Variants in STON1 observed in about 807,000 individuals in gnomAD.
STON1 encodes the protein stonin 1, also known as stonin-1.
Under a neutral mutation model 60.9 loss-of-function variants are expected in STON1, and 79 were observed. The ratio of observed to expected loss-of-function variants is 1.30; its 90% CI spans 1.08 to 1.56. The LOEUF (loss-of-function observed/expected upper bound fraction) is 1.56, where lower values mean the gene tolerates loss of function less well. Ranked by LOEUF, STON1 falls within the 40% of genes most tolerant of loss-of-function variation. STON1 has a pLI of 0.00. For synonymous variants in STON1, 363 were observed against 306.9 expected, an observed-to-expected ratio of 1.18 and a Z score of -1.91; for missense variants, 1,166 against 858.9, an observed-to-expected ratio of 1.36 and a Z score of -4.47.
intron 1 of STON1, among the ~76,000 whole-genome samples, chr2:48,534,461 C>T (rs1671345814): frequency 6.6e-6 from 1 of 152,194 alleles, no homozygotes; most frequent in South Asian, 2.1e-4. Flanking sequence ...TCTCCCTGCA[C>T]ATGTATTATT....
At chr2:48,553,591 G>T (rs541264601) in intron 1 of STON1, among the ~76,000 whole-genome samples, 1 of 151,848 alleles carries the variant, frequency 6.6e-6, no homozygotes, top group Non-Finnish European at 1.5e-5. Context: ...GGGTTCAAGC[G>T]ATTCTCCTGC....
In STON1 at chr2:48,575,755, G is replaced by GTTTTTTTTTTTTTTTTTTTTTTTTTT. The variant is rs199808169; in HGVS notation, c.-47-4829_-47-4828insTTTTTTTTTTTTTTTTTTTTTTTTTT. On this transcript the variant is annotated intron_variant, in intron 1 of 3. Transcript: ENST00000404752. ...TATGGTAGTTCTATTTTTAGTTTTT[G>GTTTTTTTTTTTTTTTTTTTTTTTTTT]TTTGTTTTTTTTTTTTTTTTGAGAT... is the stretch of plus-strand genomic sequence containing the variant. 4.6e-5 allele frequency among the ~76,000 whole-genome samples: 5 copies of GTTTTTTTTTTTTTTTTTTTTTTTTTT among 109,736 alleles called. 1 individual carries two copies. Among genetic ancestry groups the GTTTTTTTTTTTTTTTTTTTTTTTTTT allele is most frequent in the Admixed American group, 9.6e-5 (1 of 10,432 alleles). The allele number at this position is 109,736 out of a possible 152,430, so 72.0% of individuals were successfully genotyped here.
intron 2 of STON1, among the ~76,000 whole-genome samples, chr2:48,586,019 T>C (rs1331195466): frequency 6.6e-6 from 1 of 152,250 alleles, no homozygotes; most frequent in Non-Finnish European, 1.5e-5. Context: ...AGTCCATTCC[T>C]ATTGCTCTAC....
chr2:48,560,336 G>C (rs995097979), intron 1 of STON1, among the ~76,000 whole-genome samples: 1 of 152,204 alleles, frequency 6.6e-6, no homozygotes, highest in Non-Finnish European at 1.5e-5. Context: ...TGAGAATTCA[G>C]AATCAAAATT....
In STON1 at chr2:48,590,523, A is replaced by C. The variant is rs543109557; in HGVS notation, c.1931-1130A>C. ...TACTCTTTATCTCATACATTTATTTAAGTAAAGATAGCCACATTAGATATG... is the reference window on the plus strand; with the variant it reads ...TACTCTTTATCTCATACATTTATTTCAGTAAAGATAGCCACATTAGATATG... On this transcript the variant is annotated intron_variant, in intron 2 of 3. Transcript: ENST00000404752. Among the ~76,000 whole-genome samples the C allele has an allele frequency of 5.3e-5, 8 of 152,212 alleles. No homozygotes were observed. In the East Asian group the frequency reaches 1.5e-3, roughly 29 times the overall value.
intron 1 of STON1, among the ~76,000 whole-genome samples, chr2:48,549,552 C>G (rs1358464671): frequency 6.6e-6 from 1 of 152,048 alleles, no homozygotes; most frequent in African/African-American, 2.4e-5. Flanking sequence ...TGGCTCACGC[C>G]TGTAATCCCA....
chr2:48,556,173 C>T lies in STON1; in HGVS notation c.-47-24414C>T, dbSNP rs1452985669. 6.2e-4 allele frequency among the ~76,000 whole-genome samples: 14 copies of T among 22,498 alleles called. 1 individual carries two copies. The highest frequency in any genetic ancestry group is 1.9e-3 in the African/African-American group (12 of 6,188). 14.8% of individuals were successfully genotyped at this position (22,498 alleles called of 152,430 possible). A position where few individuals can be genotyped will look rare whatever the true frequency, so the allele number is the denominator to read the frequency against. On this transcript the variant is annotated intron_variant, in intron 1 of 3. Coordinates refer to ENST00000404752, the MANE Select transcript of STON1 (RefSeq NM_006873.4). ...GGTGGCTGGCCGGGCGGGGCGCTGA[C>T]CCCCCCACCTCCCTCCTGGACGGGG...
intron 2 of STON1, among the ~76,000 whole-genome samples, chr2:48,588,001 A>G (rs1674310113): frequency 6.6e-6 from 1 of 152,222 alleles, no homozygotes; most frequent in Non-Finnish European, 1.5e-5. Context: ...GTGCCAGGGC[A>G]GGCTATAAGC....
chr2:48,598,056 T>C lies in STON1; in HGVS notation c.*2754T>C, dbSNP rs1182166168. 2.0e-5 allele frequency: 3 copies of C among 152,118 alleles called. No homozygotes were observed. Among genetic ancestry groups the C allele is most frequent in the Non-Finnish European group, 4.4e-5 (3 of 68,014 alleles). The allele number at this position is 152,118 out of a possible 1,614,324, so 9.4% of individuals were successfully genotyped here. A position where few individuals can be genotyped will look rare whatever the true frequency, so the allele number is the denominator to read the frequency against. Reference sequence around the variant, plus strand: ...GTCAAATGAGCAGACTTCCAAGGAGTTGACCAGTTTGTGACTAGTCTGGTC... The same window carrying C: ...GTCAAATGAGCAGACTTCCAAGGAGCTGACCAGTTTGTGACTAGTCTGGTC... On this transcript the variant is annotated 3_prime_UTR_variant, in exon 4 of 4. Transcript: ENST00000404752.
intron 1 of STON1, among the ~76,000 whole-genome samples, chr2:48,571,822 A>G (rs1313672256): frequency 6.6e-6 from 1 of 152,204 alleles, no homozygotes; most frequent in Non-Finnish European, 1.5e-5. Context: ...AGATGAAGTC[A>G]TATAGAAGGA....
At chr2:48,570,231 A>G (rs1163950257) in intron 1 of STON1, among the ~76,000 whole-genome samples, 1 of 152,192 alleles carries the variant, frequency 6.6e-6, no homozygotes, top group Non-Finnish European at 1.5e-5. Context: ...GCTACTCGGG[A>G]GCCTGAGGCA....
rs1202049199 is a variant in STON1 at position 48,580,898 on chromosome 2, C to T, written c.265C>T (p.Pro89Ser). The T allele has an allele frequency of 6.3e-7, 1 of 1,593,750 alleles. No individual in the cohort carries two copies. The highest frequency in any genetic ancestry group is 1.3e-5 in the African/African-American group (1 of 74,090). The change falls in exon 2 of 4, where the codon CCA (proline) becomes TCA (serine). Residue 89 changes from proline (P) to serine (S), a missense_variant. Physicochemically the swap from Pro to Ser is moderately conservative, Grantham distance 74 (BLOSUM62 -1). Coordinates refer to ENST00000404752, the MANE Select transcript of STON1 (RefSeq NM_006873.4). ...TCTTTCTACACCTACCAAAGACTTC[C>T]CAGGTTTTCCTGGCATCCCCAAAGC... ...SPLSTPTKDFPGFPGIPKAGT... is the reference protein window; with the variant it reads ...SPLSTPTKDFSGFPGIPKAGT...
At chr2:48,534,650 T>G (rs1671351702) in intron 1 of STON1, among the ~76,000 whole-genome samples, 1 of 152,040 alleles carries the variant, frequency 6.6e-6, no homozygotes, top group African/African-American at 2.4e-5. Context: ...CAGGCATGGT[T>G]GCACATGCCT....
At chr2:48,545,490 G>C (rs1433142511) in intron 1 of STON1, among the ~76,000 whole-genome samples, 2 of 152,170 alleles carry the variant, frequency 1.3e-5, no homozygotes, top group African/African-American at 4.8e-5. Context: ...CTTGCTGTCT[G>C]TCTAACCAGA....
chr2:48,585,274 G>C (rs372681455), intron 2 of STON1, among the ~76,000 whole-genome samples: 6 of 152,004 alleles, frequency 3.9e-5, no homozygotes, highest in African/African-American at 1.4e-4. Flanking sequence ...TTGGGATGGA[G>C]TGTTGCTCTG....
chr2:48,535,411 C>T (rs1671384100), intron 1 of STON1, among the ~76,000 whole-genome samples: 1 of 152,106 alleles, frequency 6.6e-6, no homozygotes, highest in Non-Finnish European at 1.5e-5. Context: ...ATGCCCACAT[C>T]CTGTACTACC....
chr2:48,579,735 G>A (rs1673759903), intron 1 of STON1, among the ~76,000 whole-genome samples: 1 of 152,162 alleles, frequency 6.6e-6, no homozygotes, highest in African/African-American at 2.4e-5. Flanking sequence ...GTTTAGTTGA[G>A]TTTATAGTGT....
chr2:48,568,118 G>C (rs1324144330), intron 1 of STON1, among the ~76,000 whole-genome samples: 1 of 152,174 alleles, frequency 6.6e-6, no homozygotes, highest in Non-Finnish European at 1.5e-5. Context: ...AGTAGGAATT[G>C]ACCCAACAGG....
At chr2:48,558,766 T>G (rs1033973945) in intron 1 of STON1, among the ~76,000 whole-genome samples, 1 of 152,224 alleles carries the variant, frequency 6.6e-6, no homozygotes, top group Admixed American at 6.5e-5. Context: ...TCCTTGCTCC[T>G]GAGCCAGGGC....
Sources: allele counts gnomAD v4.1 joint callset (sites outside exome capture counted in the v4.1 genomes callset), GRCh38; gene constraint gnomAD v4.1.1; transcripts MANE v1.5; gene names NCBI Gene and HGNC (gene_info 2026-07-23, HGNC 2026-07-21).